RNF150: variants seen among roughly 807,000 people sequenced by gnomAD.
The protein encoded by RNF150 is ring finger protein 150.
A neutral mutation model predicts 39.3 loss-of-function variants in RNF150; 24 were observed. The observed-to-expected ratio is 0.61, with a 90% CI of 0.44 to 0.86. The LOEUF (loss-of-function observed/expected upper bound fraction) is 0.86. RNF150 is among the 40% of genes least tolerant of loss of function. The pLI is 0.00. For missense variants in RNF150, 502 were observed against 587.8 expected, an observed-to-expected ratio of 0.85 and a Z score of 1.51; for synonymous variants, 255 against 227.3, an observed-to-expected ratio of 1.12 and a Z score of -1.10.
intron 1 of RNF150, among the ~76,000 whole-genome samples, chr4:140,989,162 G>C (rs1215483609): frequency 6.6e-6 from 1 of 152,266 alleles, no homozygotes; most frequent in Non-Finnish European, 1.5e-5. Context: ...GCTGGTGTCA[G>C]TGATGCTTCC....
chr4:141,206,419 C>CAAAAAAAAAA (rs58176149), intron 1 of RNF150, among the ~76,000 whole-genome samples: 1 of 64,212 alleles, frequency 1.6e-5, no homozygotes. Flanking sequence ...GACTCAATCT[C>CAAAAAAAAAA]AAAAAAAAAA....
At chr4:140,994,416 A>G (rs1734293456) in intron 1 of RNF150, among the ~76,000 whole-genome samples, 1 of 152,216 alleles carries the variant, frequency 6.6e-6, no homozygotes, top group South Asian at 2.1e-4. Context: ...AATGATCACG[A>G]AGGTTATTTA....
chr4:141,066,781 A>G (rs1737478495), intron 1 of RNF150, among the ~76,000 whole-genome samples: 1 of 152,196 alleles, frequency 6.6e-6, no homozygotes, highest in African/African-American at 2.4e-5. Context: ...TATACCATGT[A>G]TGTTTTTAAA....
Position 140,959,824 on chromosome 4 carries a change from C to T in RNF150, c.735+7799G>A, listed in dbSNP as rs115807129. Among the ~76,000 whole-genome samples the T allele has an allele frequency of 4.9e-3, 745 of 152,112 alleles. 9 individuals carry two copies. The highest frequency in any genetic ancestry group is 0.016 in the African/African-American group (674 of 41,514). On this transcript the variant is annotated intron_variant, in intron 2 of 6. Transcript: ENST00000515673. ...AAGAATTGGGAAGGAAAGAAACTAA[C>T]ATAAAATGATATGATTGCGGGAGAG...
chr4:141,204,016 C>G (rs1728336215), intron 1 of RNF150, among the ~76,000 whole-genome samples: 1 of 152,132 alleles, frequency 6.6e-6, no homozygotes, highest in Non-Finnish European at 1.5e-5. Flanking sequence ...AAAATGCAGC[C>G]ATTCAGGAAC....
chr4:141,207,274 C>G (rs150862585), intron 1 of RNF150, among the ~76,000 whole-genome samples: 211 of 152,212 alleles, frequency 1.4e-3, no homozygotes, highest in African/African-American at 4.7e-3. Flanking sequence ...AGAGGTTATA[C>G]TGGATTATTT....
chr4:141,200,281 C>T (rs28412049), intron 1 of RNF150, among the ~76,000 whole-genome samples: 43,525 of 151,124 alleles, frequency 0.29, 6,630 homozygotes, highest in African/African-American at 0.39. Context: ...TTCTCTAGGG[C>T]CTCTTTTATA....
At chr4:141,177,952 T>G (rs1296683784) in intron 1 of RNF150, among the ~76,000 whole-genome samples, 1 of 152,204 alleles carries the variant, frequency 6.6e-6, no homozygotes, top group African/African-American at 2.4e-5. Context: ...ATTAAGGTTT[T>G]GGGGGAAATG....
At chr4:141,024,481 T>C (rs991200202) in intron 1 of RNF150, among the ~76,000 whole-genome samples, 3 of 152,162 alleles carry the variant, frequency 2.0e-5, no homozygotes, top group Non-Finnish European at 4.4e-5. Context: ...CTCAGGGGGA[T>C]ATACCTTCAT....
At chr4:141,028,877 G>C (rs1735819421) in intron 1 of RNF150, among the ~76,000 whole-genome samples, 1 of 152,072 alleles carries the variant, frequency 6.6e-6, no homozygotes, top group Non-Finnish European at 1.5e-5. Flanking sequence ...CCCATTTATT[G>C]AGCTTGCTTT....
In RNF150 at chr4:140,947,756, G is replaced by C. The variant is rs780236324; in HGVS notation, c.808-20C>G. The C allele has an allele frequency of 2.0e-6, 3 of 1,524,876 alleles. No homozygotes were observed. The South Asian group carries it at 3.7e-5, about 19-fold the overall frequency. 94.5% of individuals were successfully genotyped at this position (1,524,876 alleles called of 1,614,324 possible). A position where few individuals can be genotyped will look rare whatever the true frequency, so the allele number is the denominator to read the frequency against. On this transcript the variant is annotated intron_variant, in intron 3 of 6. Coordinates refer to ENST00000515673, the MANE Select transcript of RNF150 (RefSeq NM_020724.2). ...TGTTTCCTGCAACAGAGGAAGCACA[G>C]ATGAGCCTATTTTCTTAGCTTCATC...
Position 140,897,104 on chromosome 4 carries a change from A to G in RNF150, c.1198+14040T>C, listed in dbSNP as rs192735883. The stretch of plus-strand genomic sequence containing the variant: ...ACAGGTCTCTTAAGAAGGATCCTCC[A>G]AGGATCAAGCACACACAATTGCACT... On this transcript the variant is annotated intron_variant, in intron 6 of 6. Transcript: ENST00000515673. Among the ~76,000 whole-genome samples the G allele has an allele frequency of 2.6e-5, 4 of 152,322 alleles. 1 individual carries two copies. Among genetic ancestry groups the G allele is most frequent in the African/African-American group, 9.6e-5 (4 of 41,572 alleles).
intron 1 of RNF150, among the ~76,000 whole-genome samples, chr4:141,046,670 G>A (rs148439604): frequency 4.6e-5 from 7 of 152,252 alleles, no homozygotes; most frequent in Admixed American, 1.3e-4. Flanking sequence ...TTTGCCAGCT[G>A]AGGATTAATT....
At chr4:141,199,340 G>A (rs1280180434) in intron 1 of RNF150, among the ~76,000 whole-genome samples, 1 of 152,154 alleles carries the variant, frequency 6.6e-6, no homozygotes, top group Non-Finnish European at 1.5e-5. Flanking sequence ...CTTACCATAT[G>A]ACCCATCAAT....
At position 141,034,224 on chromosome 4, in the gene RNF150, G is replaced by A. The variant is rs529124430; in HGVS notation, c.485-66351C>T. Among the ~76,000 whole-genome samples the A allele has an allele frequency of 3.0e-4, 46 of 152,274 alleles. No homozygotes were observed. The East Asian group carries it at 3.1e-3, about 10-fold the overall frequency. On this transcript the variant is annotated intron_variant, in intron 1 of 6. Transcript: ENST00000515673. Reference sequence around the variant, plus strand: ...CTGCTGCTTCACCTTGCATTTTTATGTTTTGGAGATTGTGTCTTTCTTTAA... The same window carrying A: ...CTGCTGCTTCACCTTGCATTTTTATATTTTGGAGATTGTGTCTTTCTTTAA...
In RNF150 at chr4:140,949,356, G is replaced by A. The variant is rs1732451626; in HGVS notation, c.752C>T (p.Ala251Val). Residue 251 changes from alanine to valine, a missense_variant, in exon 3 of 7, where the codon GCA (alanine) becomes GTA (valine). By Grantham distance (64) the Ala-to-Val change is moderately conservative. Coordinates refer to ENST00000515673, the MANE Select transcript of RNF150 (RefSeq NM_020724.2). The stretch of plus-strand genomic sequence containing the variant: ...GAGTTTGCTGATGGCTTTCTTTGCT[G>A]CATCCCCCAGTCGGCGCTGAAAAGC... Reference protein sequence around the residue: ...RDRNQRRLGDAAKKAISKLQI... With the variant: ...RDRNQRRLGDVAKKAISKLQI... 2.5e-6 allele frequency: 4 copies of A among 1,612,650 alleles called. No homozygotes were observed. The highest frequency in any genetic ancestry group is 1.7e-5 in the Admixed American group (1 of 59,900).
At position 140,868,216 on chromosome 4, in the gene RNF150, C is replaced by T; in HGVS notation, c.*45G>A. On this transcript the variant is annotated 3_prime_UTR_variant, in exon 7 of 7. Transcript: ENST00000515673. ...CAAGTCTTGGAGCACTCTTCCCTTC[C>T]TTTCCCTTGGGTCCTACTATCTCTT... 1 of 1,147,330 alleles carries T rather than the reference C, an allele frequency of 8.7e-7. No homozygotes were observed. The highest frequency in any genetic ancestry group is 1.3e-6 in the Non-Finnish European group (1 of 755,372). The allele number at this position is 1,147,330 out of a possible 1,614,324, so 71.1% of individuals were successfully genotyped here.
At chr4:141,060,008 T>C (rs887514843) in intron 1 of RNF150, among the ~76,000 whole-genome samples, 1 of 152,188 alleles carries the variant, frequency 6.6e-6, no homozygotes, top group Non-Finnish European at 1.5e-5. Context: ...ATCTAGACTT[T>C]AAAAACATTT....
chr4:140,957,206 C>T (rs1560986014), intron 2 of RNF150, among the ~76,000 whole-genome samples: 1 of 152,004 alleles, frequency 6.6e-6, no homozygotes. Flanking sequence ...AGCAAATTTA[C>T]AAGAAAAAAC....
Sources: gnomAD v4.1 joint callset for allele counts (sites outside exome capture counted in the v4.1 genomes callset) on GRCh38, gnomAD v4.1.1 for gene constraint, MANE v1.5 for transcripts, NCBI Gene and HGNC (gene_info 2026-07-23, HGNC 2026-07-21) for gene names.